The following TASOR variants were observed in gnomAD, a reference collection of about 807,000 sequenced individuals.
TASOR encodes transcription activation suppressor, also known as protein TASOR.
A neutral mutation model predicts 178.6 loss-of-function variants in TASOR; 53 were observed. The observed-to-expected ratio is 0.30, with a 90% CI of 0.24 to 0.37. The LOEUF (loss-of-function observed/expected upper bound fraction) is 0.37, where lower values mean the gene tolerates loss of function less well. Ranked by LOEUF, TASOR falls within the 10% of genes least tolerant of loss-of-function variation. The pLI is 1.00. For synonymous variants in TASOR, 713 were observed against 696.2 expected (o/e 1.02, Z -0.38); for missense variants, 1,815 against 1,971.4 (o/e 0.92, Z 1.50).
Position 56,633,211 on chromosome 3 carries a change from G to T in TASOR, c.3580C>A (p.Pro1194Thr). The change falls in exon 18 of 24, where the codon CCC becomes ACC. Residue 1194 changes from proline (P) to threonine (T), a missense_variant. Transcript: ENST00000683822. ...TGAGCAGAAATGTTTACATCACTGG[G>T]GGATTTTGTTGTTTCTTCTACTGGT... is the stretch of plus-strand genomic sequence containing the variant. The part of the protein sequence containing the change: ...REPVEETTKS[P>T]SDVNISAQPA... The T allele has an allele frequency of 1.2e-6, 2 of 1,614,134 alleles. No homozygotes were observed.
At chr3:56,627,230 TG>T (rs2107530168) in intron 20 of TASOR, 85 bp from the exon 21 acceptor site, 1 of 792,960 alleles carries the variant, frequency 1.3e-6, no homozygotes, top group Non-Finnish European at 2.1e-6. Context: ...TTTCATATTA[TG>T]TAGAAACACC....
At position 56,627,738 on chromosome 3, in the gene TASOR, G is replaced by A; in HGVS notation, c.3874C>T (p.Pro1292Ser). The A allele has an allele frequency of 4.3e-6, 7 of 1,612,966 alleles. No individual in the cohort carries two copies. Among genetic ancestry groups the A allele is most frequent in the Non-Finnish European group, 4.2e-6 (5 of 1,179,720 alleles). ...AGCTTCTTTAAAGTCACCAAGCCAG[G>A]TATCTGTTTAAATCCCAAAACAAAA... ...EDIAGFIHKI[P>S]GLVTLKKLPC... The change falls in exon 20 of 24, where the codon CCT (proline) becomes TCT (serine). Residue 1292 changes from proline (P) to serine (S), a missense_variant. Pro to Ser is a moderately conservative substitution (Grantham distance 74). This residue lies in a region of TASOR where 134 missense variants were observed against 195.2 expected (regional missense o/e 0.69). Transcript: ENST00000683822.
intron 9 of TASOR, 52 bp downstream of exon 9, chr3:56,662,333 T>A: frequency 1.1e-6 from 1 of 913,928 alleles, no homozygotes; most frequent in African/African-American, 1.7e-5. Context: ...GGAAAAAGGC[T>A]CAAGAAAGTG....
At chr3:56,635,052 T>A (rs1209925066) in intron 17 of TASOR, among the ~76,000 whole-genome samples, 1 of 152,196 alleles carries the variant, frequency 6.6e-6, no homozygotes, top group Non-Finnish European at 1.5e-5. Flanking sequence ...AAATGGTGCC[T>A]CTAAATCAGA....
intron 11 of TASOR, among the ~76,000 whole-genome samples, chr3:56,650,679 G>A (rs2077333336): frequency 6.6e-6 from 1 of 152,160 alleles, no homozygotes; most frequent in Non-Finnish European, 1.5e-5. Context: ...TCTGTGCTGA[G>A]GTGGCCTTGT....
At position 56,683,001 on chromosome 3, in the gene TASOR, C is replaced by A. The variant is rs559550458; in HGVS notation, c.6G>T (p.Ala2=). 2.6e-6 allele frequency: 4 copies of A among 1,542,288 alleles called. No homozygotes were observed. The Admixed American group carries it at 8.0e-5, about 31-fold the overall frequency. The change falls in exon 1 of 24, where the codon GCG becomes GCT. Residue 2 remains alanine (A), a synonymous_variant. Coordinates refer to ENST00000683822, the MANE Select transcript of TASOR (RefSeq NM_001365635.2). The part of the protein sequence containing the change: M[A]TAVETEACQP... ...GACAGGCCTCCGTCTCCACAGCAGT[C>A]GCCATCGCGCCGGCCTAAGGAGCTC...
At chr3:56,679,895 AC>A (rs1454320826) in intron 1 of TASOR, among the ~76,000 whole-genome samples, 1 of 152,236 alleles carries the variant, frequency 6.6e-6, no homozygotes, top group African/African-American at 2.4e-5. Flanking sequence ...TAAATAACAT[AC>A]ATCAAAAACA....
At chr3:56,670,779 C>G (rs2030602436) in intron 3 of TASOR, among the ~76,000 whole-genome samples, 1 of 149,764 alleles carries the variant, frequency 6.7e-6, no homozygotes, top group African/African-American at 2.5e-5. Context: ...CTACTAAAAA[C>G]GCAAAAAAAT....
intron 6 of TASOR, 123 bp from the exon 7 acceptor site, chr3:56,666,507 G>T: frequency 1.7e-6 from 1 of 602,894 alleles, no homozygotes; most frequent in Non-Finnish European, 2.6e-6. Context: ...ATGTCTTTAA[G>T]CTCTGCGTGC....
chr3:56,669,180 A>T (rs1254921640), intron 5 of TASOR, among the ~76,000 whole-genome samples: 1 of 152,082 alleles, frequency 6.6e-6, no homozygotes, highest in African/African-American at 2.4e-5. Flanking sequence ...AAAGGAAAAC[A>T]AACTCTTAAG....
chr3:56,671,998 T>G (rs1240284827), intron 2 of TASOR, among the ~76,000 whole-genome samples: 2 of 152,198 alleles, frequency 1.3e-5, no homozygotes, highest in Non-Finnish European at 2.9e-5. Context: ...TCCATTTTAC[T>G]TAACATGGTA....
intron 1 of TASOR, among the ~76,000 whole-genome samples, chr3:56,674,152 T>TA (rs1310413692): frequency 6.6e-6 from 1 of 150,720 alleles, no homozygotes; most frequent in African/African-American, 2.5e-5. Context: ...TTTAAGACGT[T>TA]ATGTGAAGTA....
chr3:56,662,366 G>T lies in TASOR; in HGVS notation c.1160+19C>A. On this transcript the variant is annotated intron_variant, in intron 9 of 23. Coordinates refer to ENST00000683822, the MANE Select transcript of TASOR (RefSeq NM_001365635.2). ...GTGATAAAATTAGCAACCACGAACT[G>T]CTCTTTACTTATACTTACAGTTTGA... 7.5e-7 allele frequency: 1 copy of T among 1,326,410 alleles called. No individual in the cohort carries two copies. Among genetic ancestry groups the T allele is most frequent in the Non-Finnish European group, 1.1e-6 (1 of 943,942 alleles). The allele number at this position is 1,326,410 out of a possible 1,614,324, so 82.2% of individuals were successfully genotyped here.
intron 21 of TASOR, among the ~76,000 whole-genome samples, chr3:56,625,775 C>A (rs1015520026): frequency 2.6e-5 from 4 of 151,948 alleles, no homozygotes. Flanking sequence ...AGGTGTATGC[C>A]ACCACACCCA....
chr3:56,649,103 T>C, intron 11 of TASOR, 46 bp from the exon 12 acceptor site: 1 of 1,438,446 alleles, frequency 7.0e-7, no homozygotes, highest in South Asian at 1.3e-5. Context: ...TTTATTATTA[T>C]TCACCATAAG....
At position 56,621,485 on chromosome 3, in the gene TASOR, T is replaced by C. The variant is rs1199096423; in HGVS notation, c.*1552A>G. 8.7e-7 allele frequency: 1 copy of C among 1,149,628 alleles called. No homozygotes were observed. Among genetic ancestry groups the C allele is most frequent in the Non-Finnish European group, 1.3e-6 (1 of 796,492 alleles). 71.2% of individuals were successfully genotyped at this position (1,149,628 alleles called of 1,614,324 possible). ...TTCTAGTTTAACACAACATTGCAAG[T>C]CAGGTGTGCACATTTTACTAACAAA... On this transcript the variant is annotated 3_prime_UTR_variant, in exon 24 of 24. Coordinates refer to ENST00000683822, the MANE Select transcript of TASOR (RefSeq NM_001365635.2).
chr3:56,632,453 C>T (rs770426317), intron 18 of TASOR, among the ~76,000 whole-genome samples: 3 of 149,064 alleles, frequency 2.0e-5, no homozygotes, highest in Non-Finnish European at 3.0e-5. Context: ...CCAGCCTGGG[C>T]GACAGAAGGA....
rs116153672 is a variant in TASOR at position 56,657,825 on chromosome 3, A to G, written c.1368+2906T>C. On this transcript the variant is annotated intron_variant, in intron 11 of 23. Coordinates refer to ENST00000683822, the MANE Select transcript of TASOR (RefSeq NM_001365635.2). ...TTGGAGTTAATATTCATAACATTTC[A>G]AAGAGACACATTCAGGATAGCAGGG... Among the ~76,000 whole-genome samples, 295 of 152,376 alleles carry G rather than the reference A, an allele frequency of 1.9e-3. 3 individuals are homozygous for G. The highest frequency in any genetic ancestry group is 6.9e-3 in the African/African-American group (285 of 41,590).
intron 1 of TASOR, among the ~76,000 whole-genome samples, chr3:56,674,097 G>A (rs1398301363): frequency 1.3e-5 from 2 of 149,656 alleles, no homozygotes; most frequent in African/African-American, 4.9e-5. Flanking sequence ...CTCAGACTGT[G>A]TATTTCAGCA....
Sources: gnomAD v4.1 joint callset for allele counts (sites outside exome capture counted in the v4.1 genomes callset) on GRCh38, gnomAD v4.1.1 for gene constraint, gnomAD v4.1.1 regional missense constraint, MANE v1.5 for transcripts, NCBI Gene and HGNC (gene_info 2026-07-23, HGNC 2026-07-21) for gene names.